Variants in FAM3C observed in about 807,000 individuals in gnomAD.
FAM3C encodes protein FAM3C.
Under a neutral mutation model 32.5 loss-of-function variants are expected in FAM3C, and 15 were observed. The observed-to-expected ratio is 0.46, with a 90% confidence interval of 0.31 to 0.71. The LOEUF (loss-of-function observed/expected upper bound fraction) is 0.71. Among genes scored for constraint, FAM3C ranks in the 30% least tolerant of loss-of-function variants. FAM3C has a pLI of 0.05. For missense variants in FAM3C, 175 were observed against 274.4 expected (o/e 0.64, Z 2.56); for synonymous variants, 75 against 86.1 (o/e 0.87, Z 0.72).
At chr7:121,381,560 C>T (rs193286366) in intron 2 of FAM3C, among the ~76,000 whole-genome samples, 9 of 150,912 alleles carry the variant, frequency 6.0e-5, no homozygotes, top group African/African-American at 1.2e-4. Flanking sequence ...GAGAAACTTA[C>T]TTTATTTCAA....
At chr7:121,379,725 T>G (rs1794312942) in intron 2 of FAM3C, among the ~76,000 whole-genome samples, 1 of 152,156 alleles carries the variant, frequency 6.6e-6, no homozygotes, top group Non-Finnish European at 1.5e-5. Flanking sequence ...CACAGCCTAC[T>G]CATTTCTGTA....
intron 1 of FAM3C, among the ~76,000 whole-genome samples, chr7:121,386,466 C>A (rs1433038337): frequency 6.6e-6 from 1 of 151,994 alleles, no homozygotes; most frequent in African/African-American, 2.4e-5. Flanking sequence ...CTATACCATT[C>A]ATTCTCCTGG....
intron 7 of FAM3C, among the ~76,000 whole-genome samples, chr7:121,360,989 A>G (rs1371765485): frequency 6.6e-6 from 1 of 152,222 alleles, no homozygotes; most frequent in Non-Finnish European, 1.5e-5. Flanking sequence ...CACAGATTTA[A>G]AGGCTATTTT....
intron 2 of FAM3C, among the ~76,000 whole-genome samples, chr7:121,381,238 G>T (rs1794348268): frequency 6.6e-6 from 1 of 152,154 alleles, no homozygotes; most frequent in Non-Finnish European, 1.5e-5. Context: ...CACAAGCCAA[G>T]AAGTACAAAC....
chr7:121,369,169 C>T (rs897314248), intron 5 of FAM3C, among the ~76,000 whole-genome samples: 16 of 151,672 alleles, frequency 1.1e-4, no homozygotes, highest in African/African-American at 3.1e-4. Flanking sequence ...TTAGTAAAGA[C>T]GGGGTTTCAC....
chr7:121,373,464 C>T (rs1325420997), intron 3 of FAM3C, among the ~76,000 whole-genome samples: 1 of 152,130 alleles, frequency 6.6e-6, no homozygotes, highest in Non-Finnish European at 1.5e-5. Flanking sequence ...CACCAAAATC[C>T]CTCCTCTCCT....
chr7:121,368,896 G>A (rs896710238), intron 5 of FAM3C, among the ~76,000 whole-genome samples: 8 of 150,600 alleles, frequency 5.3e-5, no homozygotes, highest in East Asian at 3.9e-4. Context: ...ATCCACTCTC[G>A]CCAGTACTCA....
intron 8 of FAM3C, among the ~76,000 whole-genome samples, chr7:121,356,428 G>T (rs1793810698): frequency 6.6e-6 from 1 of 152,178 alleles, no homozygotes; most frequent in Non-Finnish European, 1.5e-5. Context: ...TCAAATACCT[G>T]AAGTATCAAA....
intron 7 of FAM3C, among the ~76,000 whole-genome samples, chr7:121,362,110 G>A (rs913248477): frequency 6.6e-6 from 1 of 152,168 alleles, no homozygotes; most frequent in Non-Finnish European, 1.5e-5. Context: ...AGGTGCAGGG[G>A]AGATCCTCAT....
chr7:121,379,000 C>G lies in FAM3C; in HGVS notation c.28G>C (p.Val10Leu). ...AGTAAAAACACTGCCACAGCTACCA[C>G]CAACTTTGCAGCACCTAAAAGGCAG... MRVAGAAKLVVAVAVFLLTF... is the reference protein window; with the variant it reads MRVAGAAKLLVAVAVFLLTF... The change falls in exon 3 of 10, where the codon GTG becomes CTG. Residue 10 changes from valine (V) to leucine (L), a missense_variant. Val to Leu is a conservative substitution (Grantham distance 32, BLOSUM62 1). Transcript: ENST00000359943. The G allele has an allele frequency of 1.9e-6, 3 of 1,567,384 alleles. No homozygotes were observed. The highest frequency in any genetic ancestry group is 2.7e-5 in the African/African-American group (2 of 72,752).
At chr7:121,383,808 C>T (rs994749673) in intron 1 of FAM3C, among the ~76,000 whole-genome samples, 2 of 152,126 alleles carry the variant, frequency 1.3e-5, no homozygotes, top group Non-Finnish European at 2.9e-5. Flanking sequence ...AATAAGAAAG[C>T]CACATTCAAG....
intron 1 of FAM3C, among the ~76,000 whole-genome samples, chr7:121,391,570 C>A (rs532067322): frequency 2.0e-5 from 3 of 152,142 alleles, no homozygotes; most frequent in Non-Finnish European, 4.4e-5. Flanking sequence ...TCCTGTTCTA[C>A]GTGTTTAAGA....
At chr7:121,377,879 TG>T (rs1794270736) in intron 3 of FAM3C, among the ~76,000 whole-genome samples, 1 of 152,218 alleles carries the variant, frequency 6.6e-6, no homozygotes, top group African/African-American at 2.4e-5. Flanking sequence ...TCTAGATTTG[TG>T]TAAGTACACT....
intron 5 of FAM3C, among the ~76,000 whole-genome samples, chr7:121,369,403 T>C (rs911393327): frequency 2.6e-5 from 4 of 152,174 alleles, no homozygotes; most frequent in Admixed American, 1.3e-4. Flanking sequence ...TAAATGACTC[T>C]CAGAAAACTT....
chr7:121,394,717 T>C (rs564375228), intron 1 of FAM3C, among the ~76,000 whole-genome samples: 2 of 152,346 alleles, frequency 1.3e-5, no homozygotes, highest in Admixed American at 1.3e-4. Flanking sequence ...CTTGTGACTT[T>C]ATTGGTAAAC....
rs1323312827 is a variant in FAM3C, at chr7:121,351,124, G to C, written c.594+19C>G. On this transcript the variant is annotated intron_variant, in intron 9 of 9. Coordinates refer to ENST00000359943, the MANE Select transcript of FAM3C (RefSeq NM_014888.3). Reference sequence around the variant, plus strand: ...CACAGAATTTGTTTTTGTTAATTCTGAGAGTCTATGACACTAACCTGTTCA... The same window carrying C: ...CACAGAATTTGTTTTTGTTAATTCTCAGAGTCTATGACACTAACCTGTTCA... The C allele has an allele frequency of 6.2e-7, 1 of 1,600,480 alleles. No homozygotes were observed. The highest frequency in any genetic ancestry group is 1.3e-5 in the African/African-American group (1 of 74,390).
At chr7:121,377,857 T>G (rs1794269984) in intron 3 of FAM3C, among the ~76,000 whole-genome samples, 1 of 152,240 alleles carries the variant, frequency 6.6e-6, no homozygotes, top group South Asian at 2.1e-4. Flanking sequence ...AGGTGTGTGG[T>G]AGGCTATACC....
intron 3 of FAM3C, among the ~76,000 whole-genome samples, chr7:121,372,568 T>C (rs1562888679): frequency 6.6e-6 from 1 of 152,064 alleles, no homozygotes; most frequent in East Asian, 1.9e-4. Context: ...TCTATCTTAG[T>C]GGTGAGGTTA....
At chr7:121,365,491 C>T (rs1794006519) in intron 5 of FAM3C, among the ~76,000 whole-genome samples, 1 of 152,046 alleles carries the variant, frequency 6.6e-6, no homozygotes, top group South Asian at 2.1e-4. Flanking sequence ...CTTGAGTCTG[C>T]AAACTTTTTG....
Sources: allele counts gnomAD v4.1 joint callset (sites outside exome capture counted in the v4.1 genomes callset), GRCh38; gene constraint gnomAD v4.1.1; transcripts MANE v1.5; gene names NCBI Gene and HGNC (gene_info 2026-07-23, HGNC 2026-07-21).